The following CNTN5 variants were observed in gnomAD, a reference collection of about 807,000 sequenced individuals.
The protein encoded by CNTN5 is contactin 5, also known as contactin-5.
In CNTN5, 77 loss-of-function variants were observed where a neutral mutation model predicts 129.1. The ratio of observed to expected loss-of-function variants is 0.60; its 90% CI spans 0.50 to 0.72. CNTN5 has a LOEUF of 0.72. Among genes scored for constraint, CNTN5 ranks in the 30% least tolerant of loss-of-function variants. CNTN5 has a pLI of 0.00. For synonymous variants in CNTN5, 509 were observed against 465.6 expected (o/e 1.09, Z -1.20); for missense variants, 1,478 against 1,328.8 (o/e 1.11, Z -1.75).
chr11:99,942,314 G>A (rs930884202), intron 7 of CNTN5, among the ~76,000 whole-genome samples: 2 of 151,960 alleles, frequency 1.3e-5, no homozygotes, highest in African/African-American at 4.8e-5. Flanking sequence ...AATGTGTTGT[G>A]TGGATGATGG....
chr11:99,619,425 A>T (rs1380075736), intron 3 of CNTN5, among the ~76,000 whole-genome samples: 1 of 152,066 alleles, frequency 6.6e-6, no homozygotes, highest in African/African-American at 2.4e-5. Flanking sequence ...ATGTAACCTA[A>T]AATTGACCAT....
chr11:100,132,540 T>C (rs1946406106), intron 13 of CNTN5, among the ~76,000 whole-genome samples: 1 of 152,200 alleles, frequency 6.6e-6, no homozygotes, highest in South Asian at 2.1e-4. Flanking sequence ...TCAGTGTTTC[T>C]AGTTTATTTT....
chr11:99,532,403 C>T (rs192923837), intron 2 of CNTN5, among the ~76,000 whole-genome samples: 124 of 152,202 alleles, frequency 8.1e-4, no homozygotes, highest in African/African-American at 2.7e-3. Context: ...TCAGATGAGA[C>T]TTTGTTTTGG....
rs546002139 is a variant in CNTN5, at chr11:100,281,511, ATCTTT to A, written c.2314+10276_2314+10280del. ...GTTTCTTTCTCTTACTGTTTTTAGGATCTTTTCTTTATCCTTGAGCTTTGGAAGTT... is the reference window on the plus strand; with the variant it reads ...GTTTCTTTCTCTTACTGTTTTTAGGATCTTTATCCTTGAGCTTTGGAAGTT... On this transcript the variant is annotated intron_variant, in intron 18 of 24. Transcript: ENST00000524871. Among the ~76,000 whole-genome samples, 66 of 151,996 alleles carry A rather than the reference ATCTTT, an allele frequency of 4.3e-4. 1 individual carries two copies. In the South Asian group the frequency reaches 4.8e-3, roughly 11 times the overall value.
At chr11:99,553,789 A>C (rs1948573454) in intron 2 of CNTN5, among the ~76,000 whole-genome samples, 1 of 152,010 alleles carries the variant, frequency 6.6e-6, no homozygotes, top group South Asian at 2.1e-4. Context: ...CAATACTAGA[A>C]AGAGACAGAA....
chr11:99,469,772 G>A (rs1945101444), intron 2 of CNTN5, among the ~76,000 whole-genome samples: 1 of 151,774 alleles, frequency 6.6e-6, no homozygotes, highest in South Asian at 2.1e-4. Flanking sequence ...ATTTGGAGTT[G>A]CACCTAAATA....
intron 7 of CNTN5, among the ~76,000 whole-genome samples, chr11:99,920,552 C>G (rs1310122320): frequency 6.6e-6 from 1 of 152,080 alleles, no homozygotes; most frequent in Non-Finnish European, 1.5e-5. Flanking sequence ...ACAGTCTTTT[C>G]CACCTCTATT....
In CNTN5 at chr11:100,224,647, GGCAGATTT is replaced by G. The variant is rs760821597; in HGVS notation, c.1885-41_1885-34del. 3 of 1,582,922 alleles carry G rather than the reference GGCAGATTT, an allele frequency of 1.9e-6. No homozygotes were observed. The East Asian group carries it at 6.7e-5, about 36-fold the overall frequency. On this transcript the variant is annotated intron_variant, in intron 15 of 24. Transcript: ENST00000524871. Reference sequence around the variant, plus strand: ...TTCCCCCTTAAGCCACCTTGAACTAGGCAGATTTGCAACATTTTAAACTGGCACTTCAT... The same window carrying G: ...TTCCCCCTTAAGCCACCTTGAACTAGGCAACATTTTAAACTGGCACTTCAT...
intron 4 of CNTN5, among the ~76,000 whole-genome samples, chr11:99,843,243 G>GC (rs1947574011): frequency 6.6e-6 from 1 of 152,030 alleles, no homozygotes; most frequent in African/African-American, 2.4e-5. Flanking sequence ...CAAAAAACTT[G>GC]CATCTAGGTT....
At chr11:99,478,132 T>C (rs1824900510) in intron 2 of CNTN5, among the ~76,000 whole-genome samples, 2 of 152,192 alleles carry the variant, frequency 1.3e-5, no homozygotes, top group Non-Finnish European at 2.9e-5. Context: ...GCATATTTAT[T>C]ATCTCACAGA....
At chr11:99,986,252 C>G (rs949910442) in intron 8 of CNTN5, among the ~76,000 whole-genome samples, 11 of 152,186 alleles carry the variant, frequency 7.2e-5, no homozygotes, top group African/African-American at 2.4e-4. Context: ...TCATGTAATA[C>G]TCACTTGGCA....
At chr11:99,552,819 G>T (rs982850418) in intron 2 of CNTN5, among the ~76,000 whole-genome samples, 1 of 152,030 alleles carries the variant, frequency 6.6e-6, no homozygotes, top group South Asian at 2.1e-4. Flanking sequence ...TCTCTCGCTG[G>T]TTCTCTCCCT....
intron 6 of CNTN5, among the ~76,000 whole-genome samples, chr11:99,848,369 C>T (rs2135713061): frequency 6.6e-6 from 1 of 152,174 alleles, no homozygotes; most frequent in African/African-American, 2.4e-5. Flanking sequence ...ATGCTTATTA[C>T]TTTTGTCACA....
At chr11:99,598,605 A>T (rs1285328475) in intron 3 of CNTN5, among the ~76,000 whole-genome samples, 1 of 149,744 alleles carries the variant, frequency 6.7e-6, no homozygotes, top group Non-Finnish European at 1.5e-5. Context: ...TTTTTAATTT[A>T]GGATTAAAAA....
At chr11:99,919,263 C>CTT (rs1949874368) in intron 7 of CNTN5, among the ~76,000 whole-genome samples, 1 of 151,466 alleles carries the variant, frequency 6.6e-6, no homozygotes, top group Non-Finnish European at 1.5e-5. Flanking sequence ...TTGTGTGGCG[C>CTT]TGTAGTTCAT....
rs143493539 is a variant in CNTN5, at chr11:99,122,557, T to G, written c.-210+101287T>G. Among the ~76,000 whole-genome samples, 798 of 152,254 alleles carry G rather than the reference T, an allele frequency of 5.2e-3. 3 individuals carry two copies. Among genetic ancestry groups the G allele is most frequent in the African/African-American group, 0.018 (755 of 41,550 alleles). On this transcript the variant is annotated intron_variant, in intron 1 of 24. Coordinates refer to ENST00000524871, the MANE Select transcript of CNTN5 (RefSeq NM_014361.4). ...GCAGCAACATTATTATTTTTTTAAC[T>G]TTTAGGTTTAGGGGTACATGTACAG...
intron 7 of CNTN5, among the ~76,000 whole-genome samples, chr11:99,925,662 G>A (rs1204705109): frequency 6.6e-6 from 1 of 151,956 alleles, no homozygotes; most frequent in Non-Finnish European, 1.5e-5. Flanking sequence ...CACTTCAGCT[G>A]GGGCATTTCC....
At chr11:99,710,726 T>G (rs1954952085) in intron 3 of CNTN5, among the ~76,000 whole-genome samples, 1 of 151,772 alleles carries the variant, frequency 6.6e-6, no homozygotes, top group African/African-American at 2.4e-5. Context: ...TAAAGGACTA[T>G]TAATGCCTCC....
chr11:100,320,632 C>A lies in CNTN5; in HGVS notation c.2730+12164C>A, dbSNP rs543690153. On this transcript the variant is annotated intron_variant, in intron 21 of 24. Coordinates refer to ENST00000524871, the MANE Select transcript of CNTN5 (RefSeq NM_014361.4). ...GGGTCATATCCAAAAACTCATTGCC[C>A]AGACCAAGGTCATAGAGCTTTTCTC... 5.3e-5 allele frequency among the ~76,000 whole-genome samples: 8 copies of A among 152,146 alleles called. No individual in the cohort carries two copies. In the South Asian group the frequency reaches 1.2e-3, roughly 24 times the overall value.
Sources: gnomAD v4.1 joint callset for allele counts (sites outside exome capture counted in the v4.1 genomes callset) on GRCh38, gnomAD v4.1.1 for gene constraint, MANE v1.5 for transcripts, NCBI Gene and HGNC (gene_info 2026-07-23, HGNC 2026-07-21) for gene names.